The following TP63 variants were observed in gnomAD, a reference collection of about 807,000 sequenced individuals.
TP63 encodes the protein tumor protein 63.
In TP63, 17 loss-of-function variants were observed where a neutral mutation model predicts 82.8. The ratio of observed to expected loss-of-function variants is 0.21; its 90% CI spans 0.14 to 0.31. The LOEUF (loss-of-function observed/expected upper bound fraction) is 0.31, where lower values mean the gene tolerates loss of function less well. Ranked by LOEUF, TP63 falls within the 10% of genes least tolerant of loss-of-function variation. The pLI is 1.00. For synonymous variants in TP63, 330 were observed against 321.7 expected (o/e 1.03, Z -0.28); for missense variants, 648 against 895.3 (o/e 0.72, Z 3.52).
At position 189,806,044 on chromosome 3, in the gene TP63, T is replaced by TTA. The variant is rs1726858458; in HGVS notation, c.325-2227_325-2226insAT. 3.5e-5 allele frequency among the ~76,000 whole-genome samples: 5 copies of TTA among 144,144 alleles called. No homozygotes were observed. The South Asian group carries it at 1.2e-3, about 36-fold the overall frequency. The allele number at this position is 144,144 out of a possible 152,430, so 94.6% of individuals were successfully genotyped here. A position where few individuals can be genotyped will look rare whatever the true frequency, so the allele number is the denominator to read the frequency against. ...AATAAACAACAGAAGCAAACACTTT[T>TTA]TTTTTTTTTTTTTTTTTTTTTTTGC... On this transcript the variant is annotated intron_variant, in intron 3 of 13. Transcript: ENST00000264731.
intron 3 of TP63, among the ~76,000 whole-genome samples, chr3:189,758,917 T>C (rs1487840727): frequency 6.6e-6 from 1 of 152,228 alleles, no homozygotes; most frequent in Non-Finnish European, 1.5e-5. Context: ...GCCAACACTC[T>C]TTTGTCTGTT....
chr3:189,734,959 A>G (rs933365851), intron 1 of TP63, among the ~76,000 whole-genome samples: 5 of 25,960 alleles, frequency 1.9e-4, no homozygotes, highest in Non-Finnish European at 3.8e-4. Flanking sequence ...ATTGTATCCA[A>G]AAAAACATTT....
chr3:189,812,870 C>G (rs1053921913), intron 4 of TP63, among the ~76,000 whole-genome samples: 10 of 152,080 alleles, frequency 6.6e-5, no homozygotes, highest in African/African-American at 2.4e-4. Context: ...AATAAAATTT[C>G]AACTAATGTT....
rs1713861515 is a variant in TP63, at chr3:189,840,362, T to TTTTTTTTTTTTTTTTTTTTTTTC, written c.580-23848_580-23847insCTTTTTTTTTTTTTTTTTTTTTT. ...TTTTTTCTTTTTTGCTTTTCGTCTT[T>TTTTTTTTTTTTTTTTTTTTTTTC]TTTTTTTTTTTTTTTTTTTTTTTTT... On this transcript the variant is annotated intron_variant, in intron 4 of 13. Transcript: ENST00000264731. Among the ~76,000 whole-genome samples, 4 of 92,936 alleles carry TTTTTTTTTTTTTTTTTTTTTTTC rather than the reference T, an allele frequency of 4.3e-5. 1 individual carries two copies. Among genetic ancestry groups the TTTTTTTTTTTTTTTTTTTTTTTC allele is most frequent in the African/African-American group, 1.3e-4 (3 of 23,346 alleles). The allele number at this position is 92,936 out of a possible 152,430, so 61.0% of individuals were successfully genotyped here.
At chr3:189,599,726 T>C in the TP63 span, among the ~76,000 whole-genome samples, 6 of 152,132 alleles carry the variant, frequency 3.9e-5, no homozygotes, top group African/African-American at 1.4e-4. Context: ...TTCAAGAGAG[T>C]TTCCTATCTC....
chr3:189,607,219 C>T, the TP63 span, among the ~76,000 whole-genome samples: 1 of 152,108 alleles, frequency 6.6e-6, no homozygotes. Flanking sequence ...AATGTGATAT[C>T]CTCAATTAGA....
chr3:189,732,239 T>C (rs1720224753), intron 1 of TP63, among the ~76,000 whole-genome samples: 1 of 151,998 alleles, frequency 6.6e-6, no homozygotes, highest in Non-Finnish European at 1.5e-5. Context: ...AAGCTGAAAA[T>C]GACTGATCTA....
chr3:189,650,665 T>C (rs1712812970), intron 1 of TP63, among the ~76,000 whole-genome samples: 1 of 147,654 alleles, frequency 6.8e-6, no homozygotes, highest in Non-Finnish European at 1.5e-5. Flanking sequence ...CATGCTGAAC[T>C]GTGAGTCAAT....
At chr3:189,876,467 C>T (rs1719239643) in intron 10 of TP63, among the ~76,000 whole-genome samples, 2 of 152,130 alleles carry the variant, frequency 1.3e-5, no homozygotes, top group African/African-American at 4.8e-5. Flanking sequence ...CATATTTACA[C>T]TTTTTTGCAT....
chr3:189,698,849 T>G lies in TP63; in HGVS notation c.63-38891T>G, dbSNP rs377526138. ...ATTTGAAAAATTGATATTGCTTTTT[T>G]GAATACAGAGCTATAATATTGTGGA... On this transcript the variant is annotated intron_variant, in intron 1 of 13. Coordinates refer to ENST00000264731, the MANE Select transcript of TP63 (RefSeq NM_003722.5). Among the ~76,000 whole-genome samples the G allele has an allele frequency of 2.0e-5, 3 of 152,308 alleles. No homozygotes were observed. The East Asian group carries it at 5.8e-4, about 29-fold the overall frequency.
intron 1 of TP63, among the ~76,000 whole-genome samples, chr3:189,674,672 G>A (rs145202802): frequency 9.9e-5 from 15 of 152,230 alleles, no homozygotes; most frequent in Non-Finnish European, 1.9e-4. Flanking sequence ...TCCAGGCTGC[G>A]TGTGTACCAG....
intron 1 of TP63, among the ~76,000 whole-genome samples, chr3:189,714,322 G>A (rs1360106369): frequency 2.0e-5 from 3 of 152,162 alleles, no homozygotes; most frequent in Non-Finnish European, 4.4e-5. Flanking sequence ...TTAAAGAGAC[G>A]TATGCAAAGA....
intron 1 of TP63, among the ~76,000 whole-genome samples, chr3:189,671,149 T>G (rs1714854095): frequency 6.6e-6 from 1 of 151,932 alleles, no homozygotes; most frequent in Non-Finnish European, 1.5e-5. Flanking sequence ...ATGATTAATA[T>G]CCAGAATATA....
intron 3 of TP63, among the ~76,000 whole-genome samples, chr3:189,773,273 AAT>A (rs1239231762): frequency 1.3e-5 from 2 of 152,212 alleles, no homozygotes; most frequent in Non-Finnish European, 2.9e-5. Context: ...TCCTCTGAGT[AAT>A]TCTCATTCTT....
intron 4 of TP63, among the ~76,000 whole-genome samples, chr3:189,855,712 G>GTA (rs1716205394): frequency 6.6e-6 from 1 of 151,672 alleles, no homozygotes; most frequent in Non-Finnish European, 1.5e-5. Context: ...GTGTGTGTGT[G>GTA]TGTATGTATG....
intron 1 of TP63, among the ~76,000 whole-genome samples, chr3:189,633,286 T>C (rs1404659835): frequency 6.6e-6 from 1 of 151,996 alleles, no homozygotes; most frequent in Admixed American, 6.6e-5. Flanking sequence ...ACAGGTAAAC[T>C]TGTGTCATGG....
intron 4 of TP63, among the ~76,000 whole-genome samples, chr3:189,817,701 C>T (rs999379092): frequency 4.0e-5 from 6 of 151,714 alleles, no homozygotes; most frequent in African/African-American, 1.4e-4. Flanking sequence ...TATATAAGTC[C>T]CTAGACATTC....
chr3:189,713,278 AAACTACT>A (rs1344555990), intron 1 of TP63, among the ~76,000 whole-genome samples: 2 of 152,316 alleles, frequency 1.3e-5, no homozygotes, highest in East Asian at 3.9e-4. Context: ...ATGAATGGAC[AAACTACT>A]AACTTGTTTC....
At chr3:189,868,888 T>G (rs1718065087) in intron 8 of TP63, among the ~76,000 whole-genome samples, 172 bp downstream of exon 8, 1 of 152,210 alleles carries the variant, frequency 6.6e-6, no homozygotes, top group Non-Finnish European at 1.5e-5. Flanking sequence ...ACTCCAGGCA[T>G]GTACTACAGC....
Sources: allele counts gnomAD v4.1 joint callset (sites outside exome capture counted in the v4.1 genomes callset), GRCh38; gene constraint gnomAD v4.1.1; transcripts MANE v1.5; gene names NCBI Gene and HGNC (gene_info 2026-07-23, HGNC 2026-07-21).